The following DPYD variants were observed in gnomAD, a reference collection of about 807,000 sequenced individuals.
DPYD encodes dihydropyrimidine dehydrogenase [NADP(+)].
DPYD carries 109 observed loss-of-function variants against 116.2 expected under a neutral mutation model. The observed-to-expected ratio is 0.94, with a 90% confidence interval of 0.80 to 1.10. The LOEUF (loss-of-function observed/expected upper bound fraction) is 1.10. Ranked by LOEUF, DPYD falls within the 50% of genes least tolerant of loss-of-function variation. The probability of loss-of-function intolerance (pLI) is 0.00; values close to 1 mark genes in which losing one functional copy is unlikely to be tolerated. For missense variants in DPYD, 1,302 were observed against 1,254.5 expected (o/e 1.04, Z -0.57); for synonymous variants, 440 against 432.0 (o/e 1.02, Z -0.23).
intron 8 of DPYD, among the ~76,000 whole-genome samples, chr1:97,670,405 G>C (rs900148650): frequency 3.3e-5 from 5 of 152,166 alleles, no homozygotes; most frequent in Non-Finnish European, 5.9e-5. Flanking sequence ...CCCATCATGG[G>C]ATTAGTGCCC....
intron 18 of DPYD, among the ~76,000 whole-genome samples, chr1:97,268,572 C>T (rs1473040866): frequency 6.6e-6 from 1 of 152,052 alleles, no homozygotes; most frequent in Non-Finnish European, 1.5e-5. Flanking sequence ...TATGTGGACA[C>T]TGTGAAGGTT....
intron 2 of DPYD, among the ~76,000 whole-genome samples, chr1:97,860,403 A>T (rs901842584): frequency 1.3e-5 from 2 of 152,206 alleles, no homozygotes; most frequent in Non-Finnish European, 2.9e-5. Context: ...AAAGTATAAA[A>T]GAGAAAAACA....
At chr1:97,753,473 A>T (rs1665049756) in intron 3 of DPYD, among the ~76,000 whole-genome samples, 1 of 152,168 alleles carries the variant, frequency 6.6e-6, no homozygotes, top group African/African-American at 2.4e-5. Context: ...GCCTGTGGGG[A>T]TCATCATTTC....
intron 8 of DPYD, among the ~76,000 whole-genome samples, chr1:97,677,623 A>T (rs980610882): frequency 7.9e-5 from 12 of 152,182 alleles, no homozygotes; most frequent in Non-Finnish European, 1.6e-4. Flanking sequence ...GATATACACA[A>T]TAAATATAAT....
At chr1:97,692,181 T>C (rs1042269464) in intron 6 of DPYD, among the ~76,000 whole-genome samples, 5 of 152,054 alleles carry the variant, frequency 3.3e-5, no homozygotes, top group African/African-American at 1.2e-4. Flanking sequence ...GATGGAGATA[T>C]AGATTTTAAT....
rs116443812 is a variant in DPYD, at chr1:97,243,074, C to T, written c.2300-8080G>A. Among the ~76,000 whole-genome samples the T allele has an allele frequency of 3.6e-3, 543 of 151,910 alleles. 3 individuals are homozygous for T. The highest frequency in any genetic ancestry group is 0.013 in the African/African-American group (521 of 41,524). On this transcript the variant is annotated intron_variant, in intron 18 of 22. Coordinates refer to ENST00000370192, the MANE Select transcript of DPYD (RefSeq NM_000110.4). ...TGAAAGCAGCTACAATGGAACTTCC[C>T]TATTCCTTGAATCTTGATGGCTACT...
At chr1:97,843,767 A>G (rs910441121) in intron 2 of DPYD, among the ~76,000 whole-genome samples, 2 of 152,228 alleles carry the variant, frequency 1.3e-5, no homozygotes, top group Non-Finnish European at 2.9e-5. Context: ...AAAAAAATTT[A>G]CAATACTTTT....
At chr1:97,450,903 C>A (rs1676379127) in intron 13 of DPYD, among the ~76,000 whole-genome samples, 1 of 152,064 alleles carries the variant, frequency 6.6e-6, no homozygotes. Context: ...AATTAACAAT[C>A]CACAACTGCT....
chr1:97,466,891 G>A (rs1677354493), intron 13 of DPYD, among the ~76,000 whole-genome samples: 1 of 151,974 alleles, frequency 6.6e-6, no homozygotes, highest in South Asian at 2.1e-4. Context: ...ACATTTTACA[G>A]AAAACAGGTT....
At chr1:97,192,738 A>G (rs1027910066) in intron 20 of DPYD, among the ~76,000 whole-genome samples, 5 of 152,226 alleles carry the variant, frequency 3.3e-5, no homozygotes, top group African/African-American at 1.2e-4. Context: ...TAATGTTATA[A>G]TTTCCAGAAA....
chr1:97,302,007 T>C (rs115322852), intron 18 of DPYD, among the ~76,000 whole-genome samples: 66 of 152,130 alleles, frequency 4.3e-4, no homozygotes, highest in African/African-American at 1.6e-3. Flanking sequence ...TTATAATTGT[T>C]ACTGAGATTA....
intron 3 of DPYD, among the ~76,000 whole-genome samples, chr1:97,749,731 G>A (rs1172760106): frequency 6.6e-6 from 1 of 152,056 alleles, no homozygotes; most frequent in African/African-American, 2.4e-5. Context: ...ACAATAACAA[G>A]CCATATGTAA....
At chr1:97,692,644 A>C (rs1181617791) in intron 6 of DPYD, among the ~76,000 whole-genome samples, 1 of 152,206 alleles carries the variant, frequency 6.6e-6, no homozygotes, top group African/African-American at 2.4e-5. Context: ...AGTGCCAGCT[A>C]AGTGTAAGCT....
chr1:97,216,879 T>C (rs1453051902), intron 19 of DPYD, among the ~76,000 whole-genome samples: 2 of 152,100 alleles, frequency 1.3e-5, no homozygotes, highest in Non-Finnish European at 2.9e-5. Flanking sequence ...CAGCATACTT[T>C]TGACAATGTT....
intron 11 of DPYD, among the ~76,000 whole-genome samples, chr1:97,558,784 T>G (rs1651927013): frequency 6.6e-6 from 1 of 152,162 alleles, no homozygotes; most frequent in Non-Finnish European, 1.5e-5. Context: ...CAATTCAGAA[T>G]TAAAATAGTC....
intron 10 of DPYD, chr1:97,586,391 T>C (rs529966574): frequency 1.7e-3 from 245 of 144,454 alleles, no homozygotes; most frequent in African/African-American, 6.1e-3. Context: ...AAATAAGGCC[T>C]GACAGTGACA....
intron 8 of DPYD, among the ~76,000 whole-genome samples, chr1:97,644,387 T>C (rs946219517): frequency 2.6e-5 from 4 of 152,120 alleles, no homozygotes; most frequent in African/African-American, 4.8e-5. Context: ...TTTGAGTATA[T>C]ACATCAGATG....
At chr1:97,087,487 G>A (rs1374443139) in intron 21 of DPYD, among the ~76,000 whole-genome samples, 1 of 152,176 alleles carries the variant, frequency 6.6e-6, no homozygotes, top group Non-Finnish European at 1.5e-5. Flanking sequence ...GGTGAGAGAA[G>A]CAAGTAAATC....
intron 16 of DPYD, among the ~76,000 whole-genome samples, chr1:97,350,433 C>G (rs1156327275): frequency 6.6e-6 from 1 of 152,038 alleles, no homozygotes; most frequent in Non-Finnish European, 1.5e-5. Flanking sequence ...ATGTGGGTTG[C>G]TCATAACATT....
Sources: allele counts gnomAD v4.1 joint callset (sites outside exome capture counted in the v4.1 genomes callset), GRCh38; gene constraint gnomAD v4.1.1; transcripts MANE v1.5; gene names NCBI Gene and HGNC (gene_info 2026-07-23, HGNC 2026-07-21).